DGKB: variants seen among roughly 807,000 people sequenced by gnomAD.
The protein encoded by DGKB is diacylglycerol kinase beta.
In DGKB, 67 loss-of-function variants were observed where a neutral mutation model predicts 114.3. That is an observed-to-expected ratio of 0.59 (90% CI 0.48 to 0.72). The LOEUF is 0.72. DGKB is among the 30% of genes least tolerant of loss of function. DGKB has a pLI of 0.00. For synonymous variants in DGKB, 398 were observed against 323.1 expected (o/e 1.23, Z -2.49); for missense variants, 907 against 975.2 (o/e 0.93, Z 0.93).
chr7:14,648,136 G>C (rs542090814), intron 13 of DGKB, among the ~76,000 whole-genome samples: 1 of 152,210 alleles, frequency 6.6e-6, no homozygotes, highest in South Asian at 2.1e-4. Flanking sequence ...ACTGGGTGGA[G>C]CCCACCACAG....
At chr7:14,280,546 G>C (rs1055475255) in intron 23 of DGKB, among the ~76,000 whole-genome samples, 12 of 148,956 alleles carry the variant, frequency 8.1e-5, no homozygotes, top group Non-Finnish European at 1.5e-4. Context: ...GCAACTCCAA[G>C]ACACATAATT....
intron 12 of DGKB, among the ~76,000 whole-genome samples, chr7:14,678,241 G>A (rs942699950): frequency 2.0e-5 from 3 of 151,966 alleles, no homozygotes; most frequent in African/African-American, 4.8e-5. Flanking sequence ...CAACAGGAGC[G>A]GGCCACAGTT....
intron 23 of DGKB, among the ~76,000 whole-genome samples, chr7:14,266,520 G>A (rs1162828878): frequency 3.3e-5 from 5 of 152,178 alleles, no homozygotes; most frequent in Non-Finnish European, 7.3e-5. Context: ...TCTGAAAAAT[G>A]TTTATAGTTA....
At chr7:14,199,454 T>C (rs1223871000) in intron 23 of DGKB, among the ~76,000 whole-genome samples, 2 of 152,036 alleles carry the variant, frequency 1.3e-5, no homozygotes, top group African/African-American at 2.4e-5. Context: ...GGCAAAAATA[T>C]GAGCATTTCC....
chr7:14,896,873 T>C (rs182118137), intron 1 of DGKB, among the ~76,000 whole-genome samples: 2 of 151,968 alleles, frequency 1.3e-5, no homozygotes, highest in East Asian at 1.9e-4. Context: ...AAATTATATA[T>C]AGAGTTGACT....
chr7:14,541,020 A>C lies in DGKB; in HGVS notation c.1770+33192T>G, dbSNP rs542380618. On this transcript the variant is annotated intron_variant, in intron 20 of 25. Transcript: ENST00000402815. ...CATTGTGGCTGCATCTGAAGCCACCAGACTCCTTCTTGATAGACCACAATG... is the reference window on the plus strand; with the variant it reads ...CATTGTGGCTGCATCTGAAGCCACCCGACTCCTTCTTGATAGACCACAATG... Among the ~76,000 whole-genome samples the C allele has an allele frequency of 2.6e-5, 4 of 152,324 alleles. No individual in the cohort carries two copies. The East Asian group carries it at 7.7e-4, about 29-fold the overall frequency.
At chr7:14,538,971 C>A (rs552343655) in intron 20 of DGKB, among the ~76,000 whole-genome samples, 2 of 151,954 alleles carry the variant, frequency 1.3e-5, no homozygotes, top group Non-Finnish European at 2.9e-5. Context: ...TACCAAGCAA[C>A]GGTGGAGGTG....
intron 20 of DGKB, among the ~76,000 whole-genome samples, chr7:14,553,865 CTTTTTTTTT>C (rs58879064): frequency 1.4e-5 from 1 of 71,208 alleles, no homozygotes; most frequent in Admixed American, 2.3e-4. Flanking sequence ...CCTTTACATG[CTTTTTTTTT>C]TTTTTTTTTT....
chr7:14,760,465 A>G (rs139194462), intron 2 of DGKB, among the ~76,000 whole-genome samples: 200 of 152,262 alleles, frequency 1.3e-3, no homozygotes, highest in African/African-American at 4.5e-3. Context: ...ACCAAACTGC[A>G]TATCAAAAAG....
At chr7:14,958,208 T>G (rs1786625188) in intron 1 of DGKB, among the ~76,000 whole-genome samples, 1 of 151,948 alleles carries the variant, frequency 6.6e-6, no homozygotes, top group Non-Finnish European at 1.5e-5. Flanking sequence ...AACAGGTTAG[T>G]TTTTCTAAGA....
At chr7:14,737,703 A>T (rs1379224126) in intron 4 of DGKB, among the ~76,000 whole-genome samples, 2 of 152,094 alleles carry the variant, frequency 1.3e-5, no homozygotes, top group Non-Finnish European at 2.9e-5. Context: ...CACTTTGCTT[A>T]TTGATTCTCA....
rs756653405 is a variant in DGKB, at chr7:14,718,531, G to A, written c.466+11C>T. On this transcript the variant is annotated intron_variant, in intron 6 of 25. Coordinates refer to ENST00000402815, the MANE Select transcript of DGKB (RefSeq NM_001350709.2). ...AATCACGATAAGTAAACAAAATGAA[G>A]AAACACATACACTCAAGCTTATCCT... 5.0e-6 allele frequency: 8 copies of A among 1,596,138 alleles called. No homozygotes were observed. The highest frequency in any genetic ancestry group is 6.8e-6 in the Non-Finnish European group (8 of 1,173,650).
chr7:14,969,129 G>A (rs193035308), intron 1 of DGKB, among the ~76,000 whole-genome samples: 11 of 152,294 alleles, frequency 7.2e-5, no homozygotes, highest in Admixed American at 7.2e-4. Flanking sequence ...CCAAAGGTAG[G>A]TAGAATCTTG....
chr7:14,176,565 T>C (rs887527659), intron 25 of DGKB: 8 of 1,124,818 alleles, frequency 7.1e-6, no homozygotes, highest in Non-Finnish European at 8.8e-6. Flanking sequence ...GCTCCATAGT[T>C]TATAATTGAT....
At chr7:14,397,030 T>C (rs930367358) in intron 21 of DGKB, among the ~76,000 whole-genome samples, 3 of 152,126 alleles carry the variant, frequency 2.0e-5, no homozygotes, top group South Asian at 2.1e-4. Flanking sequence ...AATAAGTTTT[T>C]CAAGCTTTCT....
At chr7:14,681,218 A>C (rs1472389154) in intron 12 of DGKB, among the ~76,000 whole-genome samples, 1 of 152,042 alleles carries the variant, frequency 6.6e-6, no homozygotes, top group Non-Finnish European at 1.5e-5. Flanking sequence ...CATGTGTAAA[A>C]TTTGAATCAT....
chr7:14,957,897 G>C (rs981565271), intron 1 of DGKB, among the ~76,000 whole-genome samples: 1 of 151,946 alleles, frequency 6.6e-6, no homozygotes, highest in Non-Finnish European at 1.5e-5. Context: ...AAATTTAGTT[G>C]ACTCTCGTAG....
At chr7:14,587,663 A>C (rs1385819169) in intron 17 of DGKB, among the ~76,000 whole-genome samples, 1 of 152,084 alleles carries the variant, frequency 6.6e-6, no homozygotes, top group Non-Finnish European at 1.5e-5. Context: ...AAACTACTAG[A>C]GCCACCTCCA....
intron 6 of DGKB, among the ~76,000 whole-genome samples, chr7:14,710,744 G>A (rs770838184): frequency 6.6e-6 from 1 of 152,076 alleles, no homozygotes; most frequent in Non-Finnish European, 1.5e-5. Context: ...CATATGGAAT[G>A]TGATAAAATA....
Sources: allele counts gnomAD v4.1 joint callset (sites outside exome capture counted in the v4.1 genomes callset), GRCh38; gene constraint gnomAD v4.1.1; transcripts MANE v1.5; gene names NCBI Gene and HGNC (gene_info 2026-07-23, HGNC 2026-07-21).